The following SYT16 variants were observed in gnomAD, a reference collection of about 807,000 sequenced individuals.
The protein encoded by SYT16 is synaptotagmin-16.
In SYT16, 42 loss-of-function variants were observed where a neutral mutation model predicts 61.4. That is an observed-to-expected ratio of 0.68 (90% confidence interval 0.53 to 0.89). SYT16 has a LOEUF of 0.89. Among genes scored for constraint, SYT16 ranks in the 40% least tolerant of loss-of-function variants. The pLI is 0.00. For synonymous variants in SYT16, 314 were observed against 302.3 expected, an observed-to-expected ratio of 1.04 and a Z score of -0.40; for missense variants, 804 against 807.3, an observed-to-expected ratio of 1.00 and a Z score of 0.05.
intron 1 of SYT16, among the ~76,000 whole-genome samples, chr14:61,855,493 C>T (rs1436242450): frequency 6.6e-6 from 1 of 152,148 alleles, no homozygotes; most frequent in East Asian, 1.9e-4. Flanking sequence ...TAGCACAAAA[C>T]CTATTTTATA....
intron 1 of SYT16, among the ~76,000 whole-genome samples, chr14:61,913,287 A>G (rs569821712): frequency 4.6e-5 from 7 of 152,120 alleles, no homozygotes; most frequent in African/African-American, 1.7e-4. Context: ...GCTGCACCCG[A>G]TATTTGTGGA....
At chr14:61,894,762 A>C (rs541362811) in intron 1 of SYT16, among the ~76,000 whole-genome samples, 1 of 152,178 alleles carries the variant, frequency 6.6e-6, no homozygotes. Context: ...TGGGATGACA[A>C]ATCTTCCCTG....
chr14:62,080,785 A>G lies in SYT16; in HGVS notation c.994-49A>G, dbSNP rs746793789. The G allele has an allele frequency of 3.2e-6, 5 of 1,538,638 alleles. No homozygotes were observed. The South Asian group carries it at 6.1e-5, about 19-fold the overall frequency. On this transcript the variant is annotated intron_variant, in intron 5 of 7. Coordinates refer to ENST00000683842, the MANE Select transcript of SYT16 (RefSeq NM_001367656.1). ...AGGGGCACCAACTGGCCAAAATGTA[A>G]TTGGGTATCATCATTTCCATTTCTA...
intron 3 of SYT16, among the ~76,000 whole-genome samples, chr14:62,017,805 T>A (rs1346616934): frequency 6.6e-6 from 1 of 151,984 alleles, no homozygotes; most frequent in African/African-American, 2.4e-5. Context: ...ACGGCAGCCT[T>A]GAGCTCCTGT....
At chr14:61,865,350 A>G (rs1449729339) in intron 1 of SYT16, 4 of 667,608 alleles carry the variant, frequency 6.0e-6, no homozygotes, top group African/African-American at 1.8e-5. Context: ...CAGTCCGGAA[A>G]GGGAAACAGG....
In SYT16 at chr14:61,996,543, G is replaced by A; in HGVS notation, c.523+1G>A. On this transcript the variant is annotated splice_donor_variant, in intron 3 of 7. Transcript: ENST00000683842. LOFTEE classifies it high-confidence loss of function. The stretch of plus-strand genomic sequence containing the variant: ...GAAACTGTTAATGGAAAAAAGCAAG[G>A]TAAGCTAGCCAGTCATCATTTTCTC... The A allele has an allele frequency of 6.3e-7, 1 of 1,587,500 alleles. No homozygotes were observed. The highest frequency in any genetic ancestry group is 8.6e-7 in the Non-Finnish European group (1 of 1,166,620).
chr14:62,084,380 C>A lies in SYT16; in HGVS notation c.1619C>A (p.Ala540Glu). The A allele has an allele frequency of 1.9e-6, 3 of 1,611,702 alleles. No homozygotes were observed. The highest frequency in any genetic ancestry group is 2.5e-6 in the Non-Finnish European group (3 of 1,179,584). ...TTCCGAAACCTCGCTGTTAACCGAGCACCTGGTAAGTGTGAGTCTGTTCTC... is the reference window on the plus strand; with the variant it reads ...TTCCGAAACCTCGCTGTTAACCGAGAACCTGGTAAGTGTGAGTCTGTTCTC... ...SHFRNLAVNR[A>E]PDTYGKLFLL... Residue 540 changes from alanine (A) to glutamate (E), a missense_variant, in exon 7 of 8, where the codon GCA becomes GAA. Coordinates refer to ENST00000683842, the MANE Select transcript of SYT16 (RefSeq NM_001367656.1).
At chr14:61,886,912 C>T (rs217687) in intron 1 of SYT16, among the ~76,000 whole-genome samples, 3,220 of 99,728 alleles carry the variant, frequency 0.032, 2 homozygotes, top group Non-Finnish European at 0.04. Context: ...TTTTTTTTTT[C>T]CTTTTTATGG....
chr14:61,906,766 AATCC>A (rs1272576479), intron 1 of SYT16, among the ~76,000 whole-genome samples: 2 of 76,694 alleles, frequency 2.6e-5, no homozygotes, highest in South Asian at 4.0e-4. Flanking sequence ...TCCGTCCGTC[AATCC>A]ATCCATCCGT....
At chr14:62,051,446 T>G (rs1490933267) in intron 3 of SYT16, among the ~76,000 whole-genome samples, 1 of 152,204 alleles carries the variant, frequency 6.6e-6, no homozygotes, top group African/African-American at 2.4e-5. Flanking sequence ...CACCCTGCTT[T>G]GGCTCATGTA....
intron 1 of SYT16, chr14:61,897,285 A>G (rs2140350478): frequency 6.6e-6 from 1 of 152,328 alleles, no homozygotes; most frequent in Non-Finnish European, 1.5e-5. Flanking sequence ...TAGAACGTGG[A>G]AGCAGCATGA....
chr14:62,072,488 G>GT (rs2056337698), intron 4 of SYT16, among the ~76,000 whole-genome samples: 1 of 152,166 alleles, frequency 6.6e-6, no homozygotes, highest in African/African-American at 2.4e-5. Flanking sequence ...TGCGGTACAG[G>GT]TTGTTGGGAA....
At chr14:61,938,087 G>A (rs1233182988) in intron 1 of SYT16, among the ~76,000 whole-genome samples, 2 of 135,308 alleles carry the variant, frequency 1.5e-5, no homozygotes, top group Non-Finnish European at 3.2e-5. Flanking sequence ...AACTTGGAGG[G>A]ATGAGACCAC....
chr14:62,034,521 G>A (rs2054429240), intron 3 of SYT16, among the ~76,000 whole-genome samples: 1 of 152,062 alleles, frequency 6.6e-6, no homozygotes, highest in Non-Finnish European at 1.5e-5. Flanking sequence ...TTACTTGGCT[G>A]TAAAAAGAAT....
At chr14:61,986,562 A>G (rs2052324726) in intron 2 of SYT16, among the ~76,000 whole-genome samples, 1 of 151,766 alleles carries the variant, frequency 6.6e-6, no homozygotes, top group Non-Finnish European at 1.5e-5. Flanking sequence ...TTAACTCGTC[A>G]TTTACATTAG....
chr14:62,033,687 CTCATA>C (rs33941011), intron 3 of SYT16, among the ~76,000 whole-genome samples: 47,702 of 151,188 alleles, frequency 0.32, 7,953 homozygotes, highest in African/African-American at 0.43. Context: ...AAACAGCCTT[CTCATA>C]TCATACACAC....
chr14:61,996,350 C>T lies in SYT16; in HGVS notation c.331C>T (p.Gln111Ter). 3 of 1,613,484 alleles carry T rather than the reference C, an allele frequency of 1.9e-6. No individual in the cohort carries two copies. Among genetic ancestry groups the T allele is most frequent in the Non-Finnish European group, 2.5e-6 (3 of 1,179,580 alleles). The part of the protein sequence containing the change: ...SAQNSSPSLS[Q>*]HAKDSCSTMS... ...CCAAAATTCAAGCCCAAGCCTTAGC[C>T]AACATGCAAAGGACTCATGTTCCAC... is the stretch of plus-strand genomic sequence containing the variant. The change falls in exon 3 of 8, where the codon CAA (glutamine) becomes TAA (stop). Residue 111 changes from glutamine to a stop codon, truncating the protein, a stop_gained. Coordinates refer to ENST00000683842, the MANE Select transcript of SYT16 (RefSeq NM_001367656.1). LOFTEE classifies it high-confidence loss of function.
At chr14:61,844,061 G>A (rs1368985524) in intron 1 of SYT16, among the ~76,000 whole-genome samples, 3 of 152,004 alleles carry the variant, frequency 2.0e-5, no homozygotes, top group East Asian at 3.9e-4. Context: ...ATTTTTTGGT[G>A]CCTTCTTCAA....
chr14:61,878,322 A>T (rs2047572999), intron 1 of SYT16, among the ~76,000 whole-genome samples: 3 of 152,336 alleles, frequency 2.0e-5, no homozygotes, highest in Admixed American at 2.0e-4. Context: ...TTGCTCAGTT[A>T]TGTAAACGTC....
Sources: allele counts gnomAD v4.1 joint callset (sites outside exome capture counted in the v4.1 genomes callset), GRCh38; gene constraint gnomAD v4.1.1; transcripts MANE v1.5; gene names NCBI Gene and HGNC (gene_info 2026-07-23, HGNC 2026-07-21).